NEURL1B: variants seen among roughly 807,000 people sequenced by gnomAD.
The protein encoded by NEURL1B is neuralized E3 ubiquitin protein ligase 1B, also known as E3 ubiquitin-protein ligase NEURL1B.
Under a neutral mutation model 37.4 loss-of-function variants are expected in NEURL1B, and 13 were observed. The ratio of observed to expected loss-of-function variants is 0.35; its 90% CI spans 0.23 to 0.55. NEURL1B has a LOEUF of 0.55. Among genes scored for constraint, NEURL1B ranks in the 20% least tolerant of loss-of-function variants. The pLI is 0.89. For missense variants in NEURL1B, 790 were observed against 879.2 expected, an observed-to-expected ratio of 0.90 and a Z score of 1.28; for synonymous variants, 432 against 426.6, an observed-to-expected ratio of 1.01 and a Z score of -0.16.
intron 1 of NEURL1B, among the ~76,000 whole-genome samples, chr5:172,649,515 C>T (rs951235840): frequency 4.6e-5 from 7 of 151,924 alleles, no homozygotes; most frequent in African/African-American, 1.7e-4. Context: ...GCACCCACTG[C>T]CACACCCGGC....
rs1758237919 is a variant in NEURL1B at position 172,676,717 on chromosome 5, G to A, written c.577+6387G>A. Among the ~76,000 whole-genome samples the A allele has an allele frequency of 6.6e-6, 1 of 152,234 alleles. No individual in the cohort carries two copies. The highest frequency in any genetic ancestry group is 1.5e-5 in the Non-Finnish European group (1 of 68,034). On this transcript the variant is annotated intron_variant, in intron 2 of 4. Coordinates refer to ENST00000369800, the MANE Select transcript of NEURL1B (RefSeq NM_001142651.3). This position sits in a 1 kb window ranked among gnomAD's most constrained non-coding sequence, Gnocchi z 4.5. ...GCACTGAGATCCCTTGTTAAAGATA[G>A]TTACTAGGCACTTACTCTGTGCCAG... is the stretch of plus-strand genomic sequence containing the variant.
chr5:172,647,322 G>A lies in NEURL1B; in HGVS notation c.31+5885G>A, dbSNP rs577166209. 3.3e-5 allele frequency among the ~76,000 whole-genome samples: 5 copies of A among 152,306 alleles called. No homozygotes were observed. The highest frequency in any genetic ancestry group is 3.9e-4 in the East Asian group (2 of 5,182). ...TGGGCAGTGTCGCGGGGTGGTCCGA[G>A]CTTCTGCACACCTGCCCTGCACTAG... On this transcript the variant is annotated intron_variant, in intron 1 of 4. Transcript: ENST00000369800. This position sits in a 1 kb window ranked among gnomAD's most constrained non-coding sequence, Gnocchi z 4.2.
chr5:172,645,882 C>T (rs191925063), intron 1 of NEURL1B, among the ~76,000 whole-genome samples: 10 of 152,190 alleles, frequency 6.6e-5, no homozygotes, highest in African/African-American at 1.9e-4. Flanking sequence ...CAACACTCCA[C>T]GCAAGGCCTG....
At chr5:172,671,168 C>T (rs1197413691) in intron 2 of NEURL1B, among the ~76,000 whole-genome samples, 1 of 152,168 alleles carries the variant, frequency 6.6e-6, no homozygotes, top group East Asian at 1.9e-4. Flanking sequence ...AAGGGAAACC[C>T]TACCCATTAA....
Position 172,683,364 on chromosome 5 carries a change from G to T in NEURL1B, c.578-55G>T, listed in dbSNP as rs941503722. Reference sequence around the variant, plus strand: ...AGGCAGCGGGCGAGGAGGGGCTCGCGACCAGCCTGACGCGCGGCCTCTCCC... The same window carrying T: ...AGGCAGCGGGCGAGGAGGGGCTCGCTACCAGCCTGACGCGCGGCCTCTCCC... On this transcript the variant is annotated intron_variant, in intron 2 of 4. Coordinates refer to ENST00000369800, the MANE Select transcript of NEURL1B (RefSeq NM_001142651.3). This position sits in a 1 kb window ranked among gnomAD's most constrained non-coding sequence, Gnocchi z 5.6. The T allele has an allele frequency of 4.7e-6, 6 of 1,268,090 alleles. No homozygotes were observed. The South Asian group carries it at 1.0e-4, about 21-fold the overall frequency. 78.6% of individuals were successfully genotyped at this position (1,268,090 alleles called of 1,614,324 possible). A position where few individuals can be genotyped will look rare whatever the true frequency, so the allele number is the denominator to read the frequency against.
At chr5:172,677,054 G>C (rs1312149015) in intron 2 of NEURL1B, among the ~76,000 whole-genome samples, 1 of 152,004 alleles carries the variant, frequency 6.6e-6, no homozygotes, top group Non-Finnish European at 1.5e-5. Context: ...TGGCCACGGT[G>C]GGGGAGGGAG....
Position 172,670,151 on chromosome 5 carries a change from T to C in NEURL1B, c.398T>C (p.Leu133Pro). 2.0e-6 allele frequency: 3 copies of C among 1,503,556 alleles called. No homozygotes were observed. The highest frequency in any genetic ancestry group is 2.6e-6 in the Non-Finnish European group (3 of 1,132,864). 93.1% of individuals were successfully genotyped at this position (1,503,556 alleles called of 1,614,324 possible). A position where few individuals can be genotyped will look rare whatever the true frequency, so the allele number is the denominator to read the frequency against. ...CGGCCGGGCTACTGGGCCAAGGCACTGCCCGAGAACCTGGCGCTGCGCGAC... is the reference window on the plus strand; with the variant it reads ...CGGCCGGGCTACTGGGCCAAGGCACCGCCCGAGAACCTGGCGCTGCGCGAC... ...VTRPGYWAKALPENLALRDTV... is the reference protein window; with the variant it reads ...VTRPGYWAKAPPENLALRDTV... Residue 133 changes from leucine to proline, a missense_variant, in exon 2 of 5, where the codon CTG (leucine) becomes CCG (proline). This residue lies in a region of NEURL1B where 215 missense variants were observed against 309.2 expected (regional missense o/e 0.70). Coordinates refer to ENST00000369800, the MANE Select transcript of NEURL1B (RefSeq NM_001142651.3).
intron 2 of NEURL1B, among the ~76,000 whole-genome samples, chr5:172,677,418 C>T (rs1249165905): frequency 6.6e-6 from 1 of 152,164 alleles, no homozygotes; most frequent in East Asian, 1.9e-4. Flanking sequence ...TTAATCTTCC[C>T]CACAGGCCAC....
chr5:172,682,105 ACT>A (rs1758364233), intron 2 of NEURL1B, among the ~76,000 whole-genome samples: 1 of 152,206 alleles, frequency 6.6e-6, no homozygotes, highest in African/African-American at 2.4e-5. Context: ...CCCTCAAGAG[ACT>A]CATATTCCAG....
In NEURL1B at chr5:172,672,182, G is replaced by T. The variant is rs1190731167; in HGVS notation, c.577+1852G>T. ...GCCGGAGCACATGTCCAAATTCCAG[G>T]CTTAGACCAGATTGTGAAGAGCTAC... On this transcript the variant is annotated intron_variant, in intron 2 of 4. Transcript: ENST00000369800. Among the ~76,000 whole-genome samples, 5 of 152,296 alleles carry T rather than the reference G, an allele frequency of 3.3e-5. No individual in the cohort carries two copies. In the East Asian group the frequency reaches 7.7e-4, roughly 23 times the overall value.
intron 2 of NEURL1B, among the ~76,000 whole-genome samples, chr5:172,678,901 A>T (rs1356108415): frequency 6.6e-6 from 1 of 152,232 alleles, no homozygotes; most frequent in African/African-American, 2.4e-5. Context: ...CTTCCAGCCC[A>T]GATATATTGG....
chr5:172,664,889 A>T (rs1025167775), intron 1 of NEURL1B, among the ~76,000 whole-genome samples: 1 of 152,228 alleles, frequency 6.6e-6, no homozygotes, highest in East Asian at 1.9e-4. Context: ...CATATAATCA[A>T]GATTAAACAA....
Position 172,676,332 on chromosome 5 carries a change from T to G in NEURL1B, c.577+6002T>G, listed in dbSNP as rs531630593. The stretch of plus-strand genomic sequence containing the variant: ...GCCTCATCCTCAGCTGGACTGTCCC[T>G]TTGGGGTGGAGGAAAGGCCACCAGC... On this transcript the variant is annotated intron_variant, in intron 2 of 4. Coordinates refer to ENST00000369800, the MANE Select transcript of NEURL1B (RefSeq NM_001142651.3). The surrounding 1 kb of genome is among the most constrained non-coding windows in gnomAD (Gnocchi z 4.5). Among the ~76,000 whole-genome samples the G allele has an allele frequency of 2.0e-5, 3 of 152,272 alleles. No individual in the cohort carries two copies. Among genetic ancestry groups the G allele is most frequent in the South Asian group, 2.1e-4 (1 of 4,824 alleles).
At chr5:172,645,111 G>A (rs565557147) in intron 1 of NEURL1B, among the ~76,000 whole-genome samples, 7 of 152,250 alleles carry the variant, frequency 4.6e-5, no homozygotes, top group Admixed American at 2.0e-4. Flanking sequence ...TGTTGATCCC[G>A]CTCTATATCA....
At chr5:172,672,251 C>T (rs1365023650) in intron 2 of NEURL1B, among the ~76,000 whole-genome samples, 1 of 152,190 alleles carries the variant, frequency 6.6e-6, no homozygotes, top group Non-Finnish European at 1.5e-5. Flanking sequence ...TAACTATGTC[C>T]CCTCATGCTC....
At position 172,676,678 on chromosome 5, in the gene NEURL1B, T is replaced by C. The variant is rs1329384764; in HGVS notation, c.577+6348T>C. 6.6e-6 allele frequency among the ~76,000 whole-genome samples: 1 copy of C among 152,232 alleles called. No individual in the cohort carries two copies. The highest frequency in any genetic ancestry group is 1.5e-5 in the Non-Finnish European group (1 of 68,040). On this transcript the variant is annotated intron_variant, in intron 2 of 4. Coordinates refer to ENST00000369800, the MANE Select transcript of NEURL1B (RefSeq NM_001142651.3). The surrounding 1 kb of genome is among the most constrained non-coding windows in gnomAD (Gnocchi z 4.5). ...GCATGGGCCTTGGAAAGGTGTCATT[T>C]GCCCAGCTTGGAAGCACTGAGATCC...
At chr5:172,651,896 G>A (rs1322974822) in intron 1 of NEURL1B, among the ~76,000 whole-genome samples, 4 of 152,320 alleles carry the variant, frequency 2.6e-5, no homozygotes, top group Middle Eastern at 3.4e-3. Context: ...ATGATGTCTT[G>A]TTTTTCCTCC....
chr5:172,642,198 A>C (rs1235588239), intron 1 of NEURL1B, among the ~76,000 whole-genome samples: 1 of 152,204 alleles, frequency 6.6e-6, no homozygotes, highest in Non-Finnish European at 1.5e-5. Flanking sequence ...AGCACTTTGC[A>C]TACCCCAGCT....
At chr5:172,664,097 A>G (rs1467385322) in intron 1 of NEURL1B, among the ~76,000 whole-genome samples, 1 of 152,152 alleles carries the variant, frequency 6.6e-6, no homozygotes, top group Non-Finnish European at 1.5e-5. Flanking sequence ...AAAGCAGGAC[A>G]CAAAATTGTC....
Sources: allele counts gnomAD v4.1 joint callset (sites outside exome capture counted in the v4.1 genomes callset), GRCh38; gene constraint gnomAD v4.1.1; regional missense constraint gnomAD v4.1.1; non-coding constraint Gnocchi (gnomAD v3.1); transcripts MANE v1.5; gene names NCBI Gene and HGNC (gene_info 2026-07-23, HGNC 2026-07-21).